EFL1: variants seen among roughly 807,000 people sequenced by gnomAD.
EFL1 encodes elongation factor-like GTPase 1.
EFL1 carries 76 observed loss-of-function variants against 126.7 expected under a neutral mutation model. That is an observed-to-expected ratio of 0.60 (90% CI 0.50 to 0.73). The LOEUF (loss-of-function observed/expected upper bound fraction) is 0.73, where lower values mean the gene tolerates loss of function less well. EFL1 is among the 30% of genes least tolerant of loss of function. The pLI, the probability that EFL1 is intolerant of heterozygous loss-of-function variation, is 0.00. For missense variants in EFL1, 1,128 were observed against 1,343.2 expected, an observed-to-expected ratio of 0.84 and a Z score of 2.50; for synonymous variants, 410 against 448.4, an observed-to-expected ratio of 0.91 and a Z score of 1.08.
intron 18 of EFL1, among the ~76,000 whole-genome samples, chr15:82,139,169 A>T (rs903485476): frequency 2.0e-5 from 3 of 152,236 alleles, no homozygotes; most frequent in Admixed American, 2.0e-4. Flanking sequence ...TGGGTCTGAA[A>T]TCCAATGAGA....
At chr15:82,255,052 T>C (rs1267278168) in intron 3 of EFL1, among the ~76,000 whole-genome samples, 4 of 152,222 alleles carry the variant, frequency 2.6e-5, no homozygotes, top group African/African-American at 9.6e-5. Context: ...GTAGAATTTC[T>C]GAGTTATTAA....
intron 15 of EFL1, among the ~76,000 whole-genome samples, chr15:82,179,377 T>C (rs1226285977): frequency 6.6e-6 from 1 of 152,298 alleles, no homozygotes. Flanking sequence ...GTTTTATAGT[T>C]TGCTTGTAAA....
At chr15:82,166,816 C>T (rs930555086) in intron 15 of EFL1, among the ~76,000 whole-genome samples, 35 of 152,132 alleles carry the variant, frequency 2.3e-4, no homozygotes, top group Admixed American at 9.8e-4. Context: ...ACTTCTTGTC[C>T]TTCTTTTTTC....
intron 15 of EFL1, among the ~76,000 whole-genome samples, chr15:82,165,351 A>C (rs922130701): frequency 6.6e-6 from 1 of 152,228 alleles, no homozygotes; most frequent in Non-Finnish European, 1.5e-5. Flanking sequence ...AAGGAAACAA[A>C]GAAAATCACT....
chr15:82,221,092 C>T (rs2074707098), intron 12 of EFL1, among the ~76,000 whole-genome samples: 1 of 152,168 alleles, frequency 6.6e-6, no homozygotes, highest in African/African-American at 2.4e-5. Flanking sequence ...CTGCCCTATA[C>T]TCTGGGAAGT....
chr15:82,148,573 G>A (rs2073874302), intron 18 of EFL1, among the ~76,000 whole-genome samples: 1 of 152,124 alleles, frequency 6.6e-6, no homozygotes, highest in Admixed American at 6.5e-5. Flanking sequence ...TCTCTTCAGT[G>A]AGGAGAATGG....
intron 4 of EFL1, 111 bp from the exon 5 acceptor site, chr15:82,241,514 G>A: frequency 2.9e-6 from 4 of 1,356,744 alleles, no homozygotes; most frequent in South Asian, 3.1e-5. Flanking sequence ...ACTGAACAAA[G>A]CTAAAGGAGT....
At chr15:82,222,222 A>C (rs1297166507) in intron 12 of EFL1, among the ~76,000 whole-genome samples, 1 of 152,214 alleles carries the variant, frequency 6.6e-6, no homozygotes. Flanking sequence ...CAACAATTAA[A>C]TGAAGTAGAT....
chr15:82,197,022 A>T (rs1269106280), intron 15 of EFL1, among the ~76,000 whole-genome samples: 1 of 151,566 alleles, frequency 6.6e-6, no homozygotes, highest in Non-Finnish European at 1.5e-5. Flanking sequence ...ACAGAGCAAA[A>T]CTCCAACTTA....
chr15:82,215,259 T>C (rs2074633540), intron 14 of EFL1, among the ~76,000 whole-genome samples: 1 of 152,176 alleles, frequency 6.6e-6, no homozygotes, highest in Non-Finnish European at 1.5e-5. Flanking sequence ...TTGTTTTATT[T>C]ATAATGTTCT....
chr15:82,224,100 G>A (rs2074738312), intron 12 of EFL1, among the ~76,000 whole-genome samples: 1 of 152,154 alleles, frequency 6.6e-6, no homozygotes, highest in South Asian at 2.1e-4. Context: ...GTATATTAGA[G>A]AAACAGAAAT....
In EFL1 at chr15:82,261,858, A is replaced by T. The variant is rs182283769; in HGVS notation, c.-19-61T>A. On this transcript the variant is annotated intron_variant, in intron 1 of 19. Transcript: ENST00000268206. ...GCTAAAGGTCGGGGCAAAAGAAAAA[A>T]ATAATAATAAACGCTGGGAGGTGGC... 2.7e-3 allele frequency: 3,496 copies of T among 1,315,826 alleles called. 10 individuals are homozygous for T. The highest frequency in any genetic ancestry group is 3.7e-3 in the Admixed American group (177 of 47,556). The allele number at this position is 1,315,826 out of a possible 1,614,324, so 81.5% of individuals were successfully genotyped here.
At position 82,220,318 on chromosome 15, in the gene EFL1, T is replaced by G; in HGVS notation, c.1293-89A>C. 3 of 1,472,272 alleles carry G rather than the reference T, an allele frequency of 2.0e-6. No homozygotes were observed. In the South Asian group the frequency reaches 4.3e-5, roughly 21 times the overall value. The allele number at this position is 1,472,272 out of a possible 1,614,324, so 91.2% of individuals were successfully genotyped here. On this transcript the variant is annotated intron_variant, in intron 12 of 19. Coordinates refer to ENST00000268206, the MANE Select transcript of EFL1 (RefSeq NM_024580.6). ...TGACATGGCTGGGTAAGATGAAGAT[T>G]GGTCCCAGCTCCATTCCAGGCAATT...
intron 17 of EFL1, among the ~76,000 whole-genome samples, chr15:82,155,005 T>C (rs559795726): frequency 2.0e-5 from 3 of 152,314 alleles, no homozygotes; most frequent in Admixed American, 6.5e-5. Context: ...TTCATATAAA[T>C]ACAAACAAAC....
intron 12 of EFL1, among the ~76,000 whole-genome samples, 194 bp from the exon 13 acceptor site, chr15:82,220,423 T>C (rs2074699753): frequency 1.3e-5 from 2 of 152,214 alleles, no homozygotes; most frequent in Non-Finnish European, 2.9e-5. Context: ...TCCCAACTAT[T>C]CTGAGCTTAT....
chr15:82,163,218 T>C (rs2074041035), intron 16 of EFL1, among the ~76,000 whole-genome samples: 1 of 152,066 alleles, frequency 6.6e-6, no homozygotes. Flanking sequence ...GAGCTTGAGA[T>C]AAGATTCCAA....
chr15:82,229,784 A>G (rs1204847689), intron 8 of EFL1, among the ~76,000 whole-genome samples: 1 of 152,234 alleles, frequency 6.6e-6, no homozygotes, highest in African/African-American at 2.4e-5. Context: ...ATATCAAAAC[A>G]TTTGAAAAAA....
At chr15:82,177,153 T>G (rs1259621918) in intron 15 of EFL1, among the ~76,000 whole-genome samples, 45 of 152,256 alleles carry the variant, frequency 3.0e-4, no homozygotes, top group Admixed American at 2.9e-3. Flanking sequence ...CACTGGCATA[T>G]GTTCAGTTTA....
chr15:82,180,737 G>A (rs186929694), intron 15 of EFL1, among the ~76,000 whole-genome samples: 4 of 151,788 alleles, frequency 2.6e-5, no homozygotes, highest in East Asian at 1.9e-4. Context: ...CATGGTATAC[G>A]GGTAATTTTT....
Sources: allele counts gnomAD v4.1 joint callset (sites outside exome capture counted in the v4.1 genomes callset), GRCh38; gene constraint gnomAD v4.1.1; transcripts MANE v1.5; gene names NCBI Gene and HGNC (gene_info 2026-07-23, HGNC 2026-07-21).